Variants in ZNF341 observed in about 807,000 individuals in gnomAD.
The protein encoded by ZNF341 is zinc finger protein 341.
A neutral mutation model predicts 87.7 loss-of-function variants in ZNF341; 52 were observed. That is an observed-to-expected ratio of 0.59 (90% CI 0.47 to 0.75). The LOEUF (loss-of-function observed/expected upper bound fraction) is 0.75, where lower values mean the gene tolerates loss of function less well. Ranked by LOEUF, ZNF341 falls within the 30% of genes least tolerant of loss-of-function variation. The probability of loss-of-function intolerance (pLI) is 0.00; values close to 1 mark genes in which losing one functional copy is unlikely to be tolerated. For missense variants in ZNF341, 977 were observed against 1,145.9 expected, an observed-to-expected ratio of 0.85 and a Z score of 2.13; for synonymous variants, 459 against 472.7, an observed-to-expected ratio of 0.97 and a Z score of 0.38.
In ZNF341 at chr20:33,762,047, A is replaced by C. The variant is rs779837021; in HGVS notation, c.1214A>C (p.Glu405Ala). The change falls in exon 8 of 15, where the codon GAA becomes GCA. Residue 405 changes from glutamate (E) to alanine (A), a missense_variant. Physicochemically the swap from Glu to Ala is moderately radical, Grantham distance 107. This residue lies in a region of ZNF341 where 515 missense variants were observed against 598.2 expected (regional missense o/e 0.86). Coordinates refer to ENST00000375200, the MANE Select transcript of ZNF341 (RefSeq NM_001282933.2). The part of the protein sequence containing the change: ...ALNPSRQEDE[E>A]STGLGQPLPG... The stretch of plus-strand genomic sequence containing the variant: ...AACCCCAGCAGGCAGGAGGACGAGG[A>C]AAGCACAGGTGGGTGGAAGTAGGGA... The C allele has an allele frequency of 6.4e-7, 1 of 1,555,148 alleles. No homozygotes were observed. The highest frequency in any genetic ancestry group is 2.3e-5 in the East Asian group (1 of 43,044).
At chr20:33,761,678 G>A (rs199598666) in intron 7 of ZNF341, among the ~76,000 whole-genome samples, 184 bp from the exon 8 acceptor site, 155 of 152,324 alleles carry the variant, frequency 1.0e-3, no homozygotes, top group East Asian at 9.8e-3. Context: ...AACGTGACCC[G>A]GAACCCAGGG....
intron 12 of ZNF341, among the ~76,000 whole-genome samples, chr20:33,785,361 G>A (rs1160791844): frequency 1.3e-5 from 2 of 151,240 alleles, no homozygotes; most frequent in African/African-American, 4.9e-5. Context: ...TTTTTATTTT[G>A]AGACAGGGTC....
chr20:33,746,209 G>A (rs1198101938), intron 3 of ZNF341, among the ~76,000 whole-genome samples: 4 of 146,882 alleles, frequency 2.7e-5, no homozygotes, highest in Non-Finnish European at 6.0e-5. Flanking sequence ...GATTACAGGC[G>A]TGAGCCACCG....
At chr20:33,774,210 C>T (rs779930224) in intron 10 of ZNF341, among the ~76,000 whole-genome samples, 13 of 151,450 alleles carry the variant, frequency 8.6e-5, no homozygotes, top group Non-Finnish European at 1.3e-4. Flanking sequence ...GAGAATCGCT[C>T]AAACTCGGGA....
intron 4 of ZNF341, among the ~76,000 whole-genome samples, chr20:33,749,396 G>A (rs2019009503): frequency 6.6e-6 from 1 of 151,956 alleles, no homozygotes; most frequent in Non-Finnish European, 1.5e-5. Context: ...GGGTTCAAGT[G>A]ATTCTTCTGC....
intron 7 of ZNF341, among the ~76,000 whole-genome samples, chr20:33,759,493 A>G (rs1413099786): frequency 6.6e-6 from 1 of 152,118 alleles, no homozygotes; most frequent in Admixed American, 6.6e-5. Flanking sequence ...CATGTTGGTC[A>G]GGCTGGTCTT....
At chr20:33,754,062 G>A (rs1421764711) in intron 5 of ZNF341, among the ~76,000 whole-genome samples, 2 of 152,140 alleles carry the variant, frequency 1.3e-5, no homozygotes, top group Non-Finnish European at 2.9e-5. Flanking sequence ...AATGCAGACA[G>A]AAATGCCCAA....
At chr20:33,778,476 AATTTTTGT>A (rs2019670282) in intron 10 of ZNF341, among the ~76,000 whole-genome samples, 2 of 151,832 alleles carry the variant, frequency 1.3e-5, no homozygotes, top group South Asian at 2.1e-4. Flanking sequence ...ACACCTGGCT[AATTTTTGT>A]ATTTTTAGTA....
At chr20:33,781,182 G>T in intron 10 of ZNF341, 109 bp from the exon 11 acceptor site, 1 of 780,792 alleles carries the variant, frequency 1.3e-6, no homozygotes, top group Non-Finnish European at 2.3e-6. Context: ...GATTTGGAAT[G>T]AATTAACTGT....
At chr20:33,744,743 C>A (rs1386288151) in intron 2 of ZNF341, among the ~76,000 whole-genome samples, 2 of 152,096 alleles carry the variant, frequency 1.3e-5, no homozygotes, top group African/African-American at 4.8e-5. Flanking sequence ...AGGCGCGCAC[C>A]ACCATGCCCA....
In ZNF341 at chr20:33,788,615, A is replaced by G. The variant is rs547788095; in HGVS notation, c.1853-248A>G. ...ACCTGCTTTCCCTGCTGCCCAGACC[A>G]TCTCCCTGATGACCTGAGGTCTCTC... On this transcript the variant is annotated intron_variant, in intron 12 of 14. Coordinates refer to ENST00000375200, the MANE Select transcript of ZNF341 (RefSeq NM_001282933.2). 6.7e-4 allele frequency: 342 copies of G among 508,898 alleles called. 2 individuals are homozygous for G. The highest frequency in any genetic ancestry group is 5.7e-3 in the African/African-American group (296 of 51,686). 31.5% of individuals were successfully genotyped at this position (508,898 alleles called of 1,614,324 possible).
chr20:33,789,292 C>T lies in ZNF341; in HGVS notation c.1965-226C>T, dbSNP rs137988952. On this transcript the variant is annotated intron_variant, in intron 13 of 14. Coordinates refer to ENST00000375200, the MANE Select transcript of ZNF341 (RefSeq NM_001282933.2). ...TCCTGACCGCAAGTGATCCATCCAC[C>T]TCGGCCTCCCAAAGTGCTGAGATTA... Among the ~76,000 whole-genome samples the T allele has an allele frequency of 4.1e-3, 628 of 152,234 alleles. 4 individuals carry two copies. The highest frequency in any genetic ancestry group is 7.1e-3 in the Non-Finnish European group (483 of 68,006).
intron 7 of ZNF341, 115 bp downstream of exon 7, chr20:33,758,921 T>TG (rs1460784885): frequency 1.2e-6 from 1 of 859,412 alleles, no homozygotes. Context: ...AGGCTGCACT[T>TG]GCATGTTCAG....
In ZNF341 at chr20:33,791,303, T is replaced by C. The variant is rs373854716; in HGVS notation, c.2351T>C (p.Val784Ala). ...CTGAAGGACACAGGGGCTGGGCTGG[T>C]GCCCGAGGCTGTCCCCGGCAAGCCG... ...EELKDTGAGL[V>A]PEAVPGKPPF... The change falls in exon 15 of 15, where the codon GTG becomes GCG. Residue 784 changes from valine (V) to alanine (A), a missense_variant. Val to Ala is a moderately conservative substitution (Grantham distance 64). Coordinates refer to ENST00000375200, the MANE Select transcript of ZNF341 (RefSeq NM_001282933.2). The C allele has an allele frequency of 5.0e-6, 8 of 1,611,322 alleles. No homozygotes were observed. The African/African-American group carries it at 1.1e-4, about 22-fold the overall frequency.
chr20:33,746,228 C>CTTT (rs34461652), intron 3 of ZNF341, among the ~76,000 whole-genome samples: 19 of 104,102 alleles, frequency 1.8e-4, no homozygotes, highest in African/African-American at 3.9e-4. Flanking sequence ...CGCGCCCGGC[C>CTTT]TTTTTTTTTT....
Position 33,788,692 on chromosome 20 carries a change from G to A in ZNF341, c.1853-171G>A, listed in dbSNP as rs1271999435. On this transcript the variant is annotated intron_variant, in intron 12 of 14. Transcript: ENST00000375200. ...CTCTCCTGACCATCCTGTCAAAATAGCCCTGTCTTGTCTCTGGCAAAACAA... is the reference window on the plus strand; with the variant it reads ...CTCTCCTGACCATCCTGTCAAAATAACCCTGTCTTGTCTCTGGCAAAACAA... 4 of 681,428 alleles carry A rather than the reference G, an allele frequency of 5.9e-6. No homozygotes were observed. In the South Asian group the frequency reaches 6.2e-5, roughly 11 times the overall value. 42.2% of individuals were successfully genotyped at this position (681,428 alleles called of 1,614,324 possible). A position where few individuals can be genotyped will look rare whatever the true frequency, so the allele number is the denominator to read the frequency against.
At chr20:33,739,182 C>T (rs2018753147) in intron 1 of ZNF341, among the ~76,000 whole-genome samples, 1 of 152,160 alleles carries the variant, frequency 6.6e-6, no homozygotes, top group Non-Finnish European at 1.5e-5. Flanking sequence ...CTTGGCCAGG[C>T]TAGTCTTGAA....
intron 10 of ZNF341, among the ~76,000 whole-genome samples, chr20:33,779,951 C>T (rs181293242): frequency 1.3e-5 from 2 of 152,212 alleles, no homozygotes; most frequent in East Asian, 3.9e-4. Context: ...GGAACAGGGA[C>T]CACTTGCTAG....
intron 10 of ZNF341, among the ~76,000 whole-genome samples, chr20:33,779,216 T>C (rs1383273818): frequency 6.6e-6 from 1 of 151,810 alleles, no homozygotes; most frequent in Non-Finnish European, 1.5e-5. Context: ...AGGAGCCAGA[T>C]AGAGAGAGAG....
Sources: allele counts gnomAD v4.1 joint callset (sites outside exome capture counted in the v4.1 genomes callset), GRCh38; gene constraint gnomAD v4.1.1; regional missense constraint gnomAD v4.1.1; transcripts MANE v1.5; gene names NCBI Gene and HGNC (gene_info 2026-07-23, HGNC 2026-07-21).